Variants in FRMD4A observed in about 807,000 individuals in gnomAD.
The protein encoded by FRMD4A is FERM domain-containing protein 4A.
In FRMD4A, 29 loss-of-function variants were observed where a neutral mutation model predicts 129.1. That is an observed-to-expected ratio of 0.22 (90% confidence interval 0.17 to 0.31). FRMD4A has a LOEUF of 0.31. FRMD4A is among the 10% of genes least tolerant of loss of function. The pLI is 1.00. For synonymous variants in FRMD4A, 634 were observed against 571.6 expected (o/e 1.11, Z -1.56); for missense variants, 1,272 against 1,375.8 (o/e 0.92, Z 1.19).
At chr10:14,219,162 G>A (rs1348048047) in intron 2 of FRMD4A, among the ~76,000 whole-genome samples, 1 of 151,904 alleles carries the variant, frequency 6.6e-6, no homozygotes, top group African/African-American at 2.4e-5. Context: ...CAACAACAAA[G>A]ACATCTCAAA....
At position 13,787,309 on chromosome 10, in the gene FRMD4A, C is replaced by T. The variant is rs79282912; in HGVS notation, c.300-4303G>A. ...TGAGCTTTCCCTCCCTGCCAGGGAA[C>T]GGCTGAGTCAAAAACGCCTGCAGAG... On this transcript the variant is annotated intron_variant, in intron 5 of 24. Coordinates refer to ENST00000357447, the MANE Select transcript of FRMD4A (RefSeq NM_018027.5). Among the ~76,000 whole-genome samples, 1,087 of 152,236 alleles carry T rather than the reference C, an allele frequency of 7.1e-3. 15 individuals are homozygous for T. Among genetic ancestry groups the T allele is most frequent in the African/African-American group, 0.025 (1,022 of 41,546 alleles).
At chr10:13,715,900 C>T (rs1178550546) in intron 12 of FRMD4A, among the ~76,000 whole-genome samples, 2 of 89,820 alleles carry the variant, frequency 2.2e-5, no homozygotes, top group South Asian at 4.5e-4. Flanking sequence ...GTGAGACTCC[C>T]CCCTCAAAAA....
At chr10:14,061,785 C>T (rs1470870177) in intron 2 of FRMD4A, among the ~76,000 whole-genome samples, 2 of 152,192 alleles carry the variant, frequency 1.3e-5, no homozygotes, top group East Asian at 3.9e-4. Context: ...GGAACTATGA[C>T]ACCACTTAGT....
chr10:13,871,922 T>C (rs1225303419), intron 2 of FRMD4A, among the ~76,000 whole-genome samples: 1 of 152,216 alleles, frequency 6.6e-6, no homozygotes, highest in East Asian at 1.9e-4. Context: ...GCTCCAGAGC[T>C]CGGCCACCCG....
chr10:14,318,093 T>C (rs1030162799), intron 2 of FRMD4A, among the ~76,000 whole-genome samples: 3 of 152,160 alleles, frequency 2.0e-5, no homozygotes, highest in Non-Finnish European at 4.4e-5. Flanking sequence ...TGTTTCCCCA[T>C]TGTAGCAGCA....
At chr10:13,931,077 C>T (rs956869196) in intron 2 of FRMD4A, among the ~76,000 whole-genome samples, 16 of 152,164 alleles carry the variant, frequency 1.1e-4, no homozygotes, top group African/African-American at 3.9e-4. Context: ...TCAAGCGATC[C>T]TCTCACTTCA....
chr10:13,648,053 C>G (rs985742766), intron 24 of FRMD4A: 1 of 152,166 alleles, frequency 6.6e-6, no homozygotes, highest in African/African-American at 2.4e-5. Context: ...CAGTCATCCC[C>G]AGCTTTCTAT....
chr10:13,965,330 G>C (rs576802237), intron 2 of FRMD4A, among the ~76,000 whole-genome samples: 14 of 152,164 alleles, frequency 9.2e-5, no homozygotes, highest in Non-Finnish European at 1.9e-4. Context: ...GCTAGCAGAA[G>C]AGAAAGAAGG....
chr10:14,020,476 A>AT (rs1832691936), intron 2 of FRMD4A, among the ~76,000 whole-genome samples: 1 of 152,172 alleles, frequency 6.6e-6, no homozygotes, highest in Admixed American at 6.5e-5. Flanking sequence ...TGATGCAAAT[A>AT]TTCTTTCTAG....
intron 4 of FRMD4A, among the ~76,000 whole-genome samples, chr10:13,807,762 A>G (rs79447054): frequency 0.016 from 2,448 of 151,440 alleles, 73 homozygotes; most frequent in African/African-American, 0.056. Flanking sequence ...CTCTGACAAT[A>G]TATGACCTAG....
chr10:14,173,467 G>A (rs1462227034), intron 2 of FRMD4A, among the ~76,000 whole-genome samples: 1 of 152,128 alleles, frequency 6.6e-6, no homozygotes, highest in Non-Finnish European at 1.5e-5. Context: ...AATCTTTTCT[G>A]CAGGTCTGCT....
chr10:14,169,111 G>GT (rs60369455), intron 2 of FRMD4A, among the ~76,000 whole-genome samples: 152,259 of 152,260 alleles, frequency 1, 76,129 homozygotes, highest in Non-Finnish European at 1. Flanking sequence ...TGGCTTTATG[G>GT]AAAAATTAAA....
Position 13,722,400 on chromosome 10 carries a change from T to TA in FRMD4A, c.760-15288dup, listed in dbSNP as rs1223008176. Among the ~76,000 whole-genome samples the TA allele has an allele frequency of 1.9e-3, 286 of 148,436 alleles. 3 individuals are homozygous for TA. The highest frequency in any genetic ancestry group is 6.4e-3 in the African/African-American group (259 of 40,162). Reference sequence around the variant, plus strand: ...GCATGCACCACCATACTCGGCTAATTAAAAAAAAAAATTTTTTTTTTTTTT... The same window carrying TA: ...GCATGCACCACCATACTCGGCTAATTAAAAAAAAAAAATTTTTTTTTTTTTT... On this transcript the variant is annotated intron_variant, in intron 12 of 24. Coordinates refer to ENST00000357447, the MANE Select transcript of FRMD4A (RefSeq NM_018027.5).
Position 14,007,927 on chromosome 10 carries a change from A to G in FRMD4A, c.46-149015T>C, listed in dbSNP as rs1012961836. 4.9e-6 allele frequency: 5 copies of G among 1,020,214 alleles called. No individual in the cohort carries two copies. In the African/African-American group the frequency reaches 6.7e-5, roughly 14 times the overall value. 63.2% of individuals were successfully genotyped at this position (1,020,214 alleles called of 1,614,324 possible). ...AAAAAACTAAAATTACAGATGAGAT[A>G]GTATTCTACAGTCCCAGGAACTCCA... On this transcript the variant is annotated intron_variant, in intron 2 of 24. Transcript: ENST00000357447.
intron 2 of FRMD4A, among the ~76,000 whole-genome samples, chr10:14,295,622 G>A (rs1301312600): frequency 1.3e-5 from 2 of 152,190 alleles, no homozygotes; most frequent in Non-Finnish European, 2.9e-5. Flanking sequence ...CTCCAGTGGG[G>A]ACATGGTGAG....
chr10:14,265,871 C>A (rs1844959251), intron 2 of FRMD4A, among the ~76,000 whole-genome samples: 1 of 152,120 alleles, frequency 6.6e-6, no homozygotes, highest in Non-Finnish European at 1.5e-5. Flanking sequence ...ATCATAAATC[C>A]CTCCTGGGGT....
At chr10:13,673,736 G>A (rs1444807760) in intron 16 of FRMD4A, among the ~76,000 whole-genome samples, 2 of 148,808 alleles carry the variant, frequency 1.3e-5, no homozygotes, top group Admixed American at 6.7e-5. Context: ...ACTTCTGTGA[G>A]ACTAGCACAT....
At chr10:13,943,646 C>CAAAAAAAAAAAAAAAAAAAAAAAAAAA (rs55774636) in intron 2 of FRMD4A, among the ~76,000 whole-genome samples, 11 of 58,268 alleles carry the variant, frequency 1.9e-4, no homozygotes, top group Non-Finnish European at 2.6e-4. Flanking sequence ...GACTCTGTCT[C>CAAAAAAAAAAAAAAAAAAAAAAAAAAA]AAAAAAAAAA....
intron 2 of FRMD4A, among the ~76,000 whole-genome samples, chr10:13,909,185 G>A (rs1468875216): frequency 6.6e-6 from 1 of 152,184 alleles, no homozygotes; most frequent in African/African-American, 2.4e-5. Flanking sequence ...TGCTATGTGA[G>A]ACACAGTATG....
Sources: gnomAD v4.1 joint callset for allele counts (sites outside exome capture counted in the v4.1 genomes callset) on GRCh38, gnomAD v4.1.1 for gene constraint, MANE v1.5 for transcripts, NCBI Gene and HGNC (gene_info 2026-07-23, HGNC 2026-07-21) for gene names.